Variants in HEATR5B observed in about 807,000 individuals in gnomAD.
HEATR5B encodes HEAT repeat containing 5B.
A neutral mutation model predicts 224.1 loss-of-function variants in HEATR5B; 156 were observed. The observed-to-expected ratio is 0.70, with a 90% CI of 0.61 to 0.80. The LOEUF is 0.80. Ranked by LOEUF, HEATR5B falls within the 30% of genes least tolerant of loss-of-function variation. The pLI, the probability that HEATR5B is intolerant of heterozygous loss-of-function variation, is 0.00. For synonymous variants in HEATR5B, 1,027 were observed against 893.0 expected (o/e 1.15, Z -2.68); for missense variants, 2,323 against 2,535.5 (o/e 0.92, Z 1.80).
At chr2:37,060,125 T>G (rs1381964546) in intron 12 of HEATR5B, among the ~76,000 whole-genome samples, 2 of 152,242 alleles carry the variant, frequency 1.3e-5, no homozygotes, top group Non-Finnish European at 2.9e-5. Flanking sequence ...AATGTTGATA[T>G]CTGAAAAATA....
rs373130299 is a variant in HEATR5B at position 37,028,715 on chromosome 2, T to C, written c.3567A>G (p.Leu1189=). The change falls in exon 23 of 36, where the codon CTA becomes CTG. Residue 1189 remains leucine, a synonymous_variant. Transcript: ENST00000233099. ...SLAVEKLSHW[L]MLCKDVLAAS... is the part of the protein sequence containing the mutation. Reference sequence around the variant, plus strand: ...CTGCCAGGACATCTTTACAAAGCATTAGCCAATGAGAAAGTTTTTCTACTG... The same window carrying C: ...CTGCCAGGACATCTTTACAAAGCATCAGCCAATGAGAAAGTTTTTCTACTG... 14 of 1,613,924 alleles carry C rather than the reference T, an allele frequency of 8.7e-6. No individual in the cohort carries two copies. The highest frequency in any genetic ancestry group is 1.1e-5 in the Non-Finnish European group (13 of 1,179,936).
At chr2:37,024,236 G>T (rs1480650030) in intron 24 of HEATR5B, among the ~76,000 whole-genome samples, 1 of 152,184 alleles carries the variant, frequency 6.6e-6, no homozygotes, top group Non-Finnish European at 1.5e-5. Flanking sequence ...GCGGTTACCA[G>T]AGGTTAAGGG....
chr2:36,988,551 T>C (rs2148328235), intron 35 of HEATR5B, 95 bp downstream of exon 35: 1 of 1,084,630 alleles, frequency 9.2e-7, no homozygotes, highest in Non-Finnish European at 1.3e-6. Context: ...TGTAAGCCAC[T>C]GCGCCCAGCA....
chr2:37,076,891 A>C lies in HEATR5B; in HGVS notation c.447+20T>G, dbSNP rs763173145. 3.9e-6 allele frequency: 6 copies of C among 1,532,564 alleles called. No homozygotes were observed. The highest frequency in any genetic ancestry group is 4.5e-6 in the Non-Finnish European group (5 of 1,107,446). The allele number at this position is 1,532,564 out of a possible 1,614,324, so 94.9% of individuals were successfully genotyped here. On this transcript the variant is annotated intron_variant, in intron 4 of 35. Transcript: ENST00000233099. ...CTTGCCACAAGCAAATATTCAAATA[A>C]TATTGGTTGTAAAACTTACCTCTGC...
chr2:37,039,367 G>A (rs1009221327), intron 20 of HEATR5B, among the ~76,000 whole-genome samples: 5 of 151,996 alleles, frequency 3.3e-5, no homozygotes, highest in Admixed American at 2.0e-4. Context: ...TCAGGAGGCT[G>A]AGGCAGGAGA....
intron 2 of HEATR5B, among the ~76,000 whole-genome samples, chr2:37,082,790 G>C (rs184208462): frequency 6.6e-6 from 1 of 152,292 alleles, no homozygotes; most frequent in Non-Finnish European, 1.5e-5. Context: ...TGAAGCCTGT[G>C]AGACCCCTGA....
At chr2:37,051,023 C>T (rs545412354) in intron 17 of HEATR5B, among the ~76,000 whole-genome samples, 37 of 151,934 alleles carry the variant, frequency 2.4e-4, no homozygotes, top group Middle Eastern at 3.4e-3. Flanking sequence ...TCCAGCCTGG[C>T]GACAGAGTGA....
intron 33 of HEATR5B, among the ~76,000 whole-genome samples, chr2:36,993,969 TA>T (rs11459498): frequency 2.0e-5 from 3 of 150,836 alleles, no homozygotes; most frequent in Non-Finnish European, 3.0e-5. Flanking sequence ...ATATAATGAC[TA>T]AAAAAAAAGA....
intron 8 of HEATR5B, among the ~76,000 whole-genome samples, chr2:37,066,493 G>C (rs1671596244): frequency 6.6e-6 from 1 of 152,162 alleles, no homozygotes; most frequent in South Asian, 2.1e-4. Context: ...ACCAGAAAAT[G>C]AATCTATAAG....
chr2:36,989,151 T>C (rs1666150919), intron 34 of HEATR5B, among the ~76,000 whole-genome samples: 1 of 152,204 alleles, frequency 6.6e-6, no homozygotes, highest in Non-Finnish European at 1.5e-5. Context: ...AGTGGCACCA[T>C]TTTGGCTCAC....
At chr2:37,029,939 A>G (rs776980545) in intron 22 of HEATR5B, among the ~76,000 whole-genome samples, 5 of 103,190 alleles carry the variant, frequency 4.8e-5, no homozygotes, top group Non-Finnish European at 1.0e-4. Flanking sequence ...ATCTCAAAAA[A>G]TAAATAAATA....
Position 37,002,351 on chromosome 2 carries a change from T to C in HEATR5B, c.5272A>G (p.Thr1758Ala). 3 of 1,614,230 alleles carry C rather than the reference T, an allele frequency of 1.9e-6. No individual in the cohort carries two copies. The highest frequency in any genetic ancestry group is 1.7e-6 in the Non-Finnish European group (2 of 1,180,048). ...GGTAAATCAGAGAGTATGGTAACTG[T>C]GGCTGCCACCAAACGAGCACTTTCT... ...SEESARLVAA[T>A]VTILSDLPSL... The change falls in exon 32 of 36, where the codon ACA (threonine) becomes GCA (alanine). Residue 1758 changes from threonine (T) to alanine (A), a missense_variant. Thr to Ala is a moderately conservative substitution (Grantham distance 58, BLOSUM62 0). Around this residue, in one of 12 missense-constraint regions of HEATR5B, gnomAD observed 844 missense variants for 812.9 expected, o/e 1.04. Transcript: ENST00000233099.
At chr2:37,056,715 G>T in intron 15 of HEATR5B, 100 bp from the exon 16 acceptor site, 1 of 964,544 alleles carries the variant, frequency 1.0e-6, no homozygotes, top group Non-Finnish European at 1.5e-6. Flanking sequence ...AAGGAGAAAA[G>T]GCAACAAAAA....
rs1667374699 is a variant in HEATR5B at position 37,005,761 on chromosome 2, T to C, written c.4778-2A>G. ...AACAAAGAAACTGTATACTCACACCTGAAATGCACAAAATAAAAACATGTT... is the reference window on the plus strand; with the variant it reads ...AACAAAGAAACTGTATACTCACACCCGAAATGCACAAAATAAAAACATGTT... On this transcript the variant is annotated splice_acceptor_variant, in intron 29 of 35. Transcript: ENST00000233099. LOFTEE classifies it high-confidence loss of function. 1 of 1,567,598 alleles carries C rather than the reference T, an allele frequency of 6.4e-7. No homozygotes were observed. Among genetic ancestry groups the C allele is most frequent in the Non-Finnish European group, 8.6e-7 (1 of 1,162,760 alleles).
chr2:37,042,880 ACT>A (rs1443908297), intron 18 of HEATR5B, among the ~76,000 whole-genome samples: 1 of 142,240 alleles, frequency 7.0e-6, no homozygotes, highest in African/African-American at 2.6e-5. Flanking sequence ...CGACAGTGAG[ACT>A]CTGTCTCAAA....
chr2:37,070,230 C>T lies in HEATR5B; in HGVS notation c.927G>A (p.Gln309=). 6.2e-7 allele frequency: 1 copy of T among 1,613,918 alleles called. No individual in the cohort carries two copies. The highest frequency in any genetic ancestry group is 8.5e-7 in the Non-Finnish European group (1 of 1,179,926). The change falls in exon 7 of 36, where the codon CAG becomes CAA. Residue 309 remains glutamine (Q), a splice_region_variant and synonymous_variant. Transcript: ENST00000233099. Reference sequence around the variant, plus strand: ...TCTTTCACACATACGTGTTACAAACCTGCGTAACTCCAACTCTCACTTCAC... The same window carrying T: ...TCTTTCACACATACGTGTTACAAACTTGCGTAACTCCAACTCTCACTTCAC... ...VNREVRVGVT[Q]AYVVFVTTLG... is the part of the protein sequence containing the mutation.
intron 22 of HEATR5B, among the ~76,000 whole-genome samples, chr2:37,032,057 T>C (rs947227754): frequency 2.0e-5 from 3 of 152,210 alleles, no homozygotes; most frequent in Admixed American, 6.5e-5. Context: ...CATAGTTTTA[T>C]TGGCTACTTT....
At chr2:37,036,760 C>T (rs890175613) in intron 21 of HEATR5B, among the ~76,000 whole-genome samples, 1 of 152,068 alleles carries the variant, frequency 6.6e-6, no homozygotes, top group Non-Finnish European at 1.5e-5. Flanking sequence ...GATCCCCCCG[C>T]CTTGGCCTCT....
Position 37,008,732 on chromosome 2 carries a change from A to G in HEATR5B, c.4401T>C (p.Asp1467=), listed in dbSNP as rs763410173. Residue 1467 remains aspartate (D), a synonymous_variant, in exon 28 of 36, where the codon GAT becomes GAC. Coordinates refer to ENST00000233099, the MANE Select transcript of HEATR5B (RefSeq NM_019024.3). Reference sequence around the variant, plus strand: ...CAGGTTGTACCAGTGTTATTAAACTATCTGGTGGCAGTTCATCGATGGTAC... The same window carrying G: ...CAGGTTGTACCAGTGTTATTAAACTGTCTGGTGGCAGTTCATCGATGGTAC... The part of the protein sequence containing the change: ...DCGTIDELPP[D]SLITLVQPEL... The G allele has an allele frequency of 6.2e-7, 1 of 1,613,530 alleles. No homozygotes were observed. The highest frequency in any genetic ancestry group is 8.5e-7 in the Non-Finnish European group (1 of 1,179,558).
Sources: allele counts gnomAD v4.1 joint callset (sites outside exome capture counted in the v4.1 genomes callset), GRCh38; gene constraint gnomAD v4.1.1; regional missense constraint gnomAD v4.1.1; transcripts MANE v1.5; gene names NCBI Gene and HGNC (gene_info 2026-07-23, HGNC 2026-07-21).